Variants in HYDIN observed in about 807,000 individuals in gnomAD.
HYDIN encodes the protein axonemal central pair apparatus protein HYDIN.
A neutral mutation model predicts 403.9 loss-of-function variants in HYDIN; 132 were observed. The observed-to-expected ratio is 0.33, with a 90% CI of 0.28 to 0.38. The LOEUF (loss-of-function observed/expected upper bound fraction) is 0.38, where lower values mean the gene tolerates loss of function less well. Among genes scored for constraint, HYDIN ranks in the 10% least tolerant of loss-of-function variants. The probability of loss-of-function intolerance (pLI) is 1.00; values close to 1 mark genes in which losing one functional copy is unlikely to be tolerated. For synonymous variants in HYDIN, 1,202 were observed against 1,891.7 expected (o/e 0.64, Z 9.46); for missense variants, 2,827 against 5,009.5 (o/e 0.56, Z 13.15).
chr16:70,986,201 A>C (rs1249674287), intron 27 of HYDIN, among the ~76,000 whole-genome samples: 1 of 142,070 alleles, frequency 7.0e-6, no homozygotes, highest in African/African-American at 2.6e-5. Flanking sequence ...AGAATGTTCT[A>C]GAATGAACTT....
intron 72 of HYDIN, among the ~76,000 whole-genome samples, chr16:70,856,719 C>A (rs1488156206): frequency 6.6e-6 from 1 of 152,160 alleles, no homozygotes; most frequent in Non-Finnish European, 1.5e-5. Flanking sequence ...TGTTGTTATT[C>A]TTATGCTACA....
chr16:71,152,972 A>G (rs979759768), intron 6 of HYDIN, 189 bp from the exon 7 acceptor site: 2 of 516,610 alleles, frequency 3.9e-6, no homozygotes, highest in African/African-American at 3.9e-5. Flanking sequence ...AAATGACAGC[A>G]TTAGATTAGC....
At chr16:71,072,415 T>C (rs1441688224) in intron 13 of HYDIN, among the ~76,000 whole-genome samples, 1 of 152,186 alleles carries the variant, frequency 6.6e-6, no homozygotes, top group Non-Finnish European at 1.5e-5. Flanking sequence ...TTTGAGCCCT[T>C]CTGTACAGAA....
chr16:70,973,133 CT>C (rs1488531049), intron 35 of HYDIN, among the ~76,000 whole-genome samples: 2 of 152,208 alleles, frequency 1.3e-5, no homozygotes, highest in African/African-American at 4.8e-5. Context: ...CCCAGGCCTT[CT>C]GATAAAAACT....
intron 45 of HYDIN, among the ~76,000 whole-genome samples, chr16:70,926,476 G>C (rs1392900613): frequency 1.3e-5 from 2 of 151,946 alleles, no homozygotes; most frequent in Admixed American, 6.6e-5. Flanking sequence ...TGGGGGGAGA[G>C]GGGAGGGATA....
At chr16:71,068,592 C>T (rs975613564) in intron 14 of HYDIN, among the ~76,000 whole-genome samples, 1 of 151,032 alleles carries the variant, frequency 6.6e-6, no homozygotes, top group African/African-American at 2.4e-5. Context: ...ATCTGGGAAG[C>T]AACAACAACA....
At chr16:70,919,236 C>G (rs2076926751) in intron 46 of HYDIN, among the ~76,000 whole-genome samples, 1 of 152,210 alleles carries the variant, frequency 6.6e-6, no homozygotes, top group African/African-American at 2.4e-5. Context: ...GGGAGTTCTT[C>G]AAGCAGCAGT....
chr16:70,913,315 G>C (rs2076746412), intron 47 of HYDIN, among the ~76,000 whole-genome samples: 1 of 152,080 alleles, frequency 6.6e-6, no homozygotes. Context: ...CTGTATCCCA[G>C]AGGTTTTGAT....
At chr16:70,964,399 C>T (rs2078509128) in intron 37 of HYDIN, among the ~76,000 whole-genome samples, 2 of 150,940 alleles carry the variant, frequency 1.3e-5, no homozygotes, top group Non-Finnish European at 3.0e-5. Context: ...AACTGTGGAC[C>T]TGGCCTCTCT....
intron 84 of HYDIN, among the ~76,000 whole-genome samples, chr16:70,810,986 T>G (rs115809758): frequency 0.026 from 3,974 of 152,316 alleles, 168 homozygotes; most frequent in African/African-American, 0.089. Flanking sequence ...AGAAAGAGAC[T>G]GTAAGAATAT....
intron 12 of HYDIN, among the ~76,000 whole-genome samples, chr16:71,084,661 T>C (rs2144353582): frequency 6.8e-6 from 1 of 147,900 alleles, no homozygotes; most frequent in South Asian, 2.2e-4. Context: ...AGTGCTGAGA[T>C]TACAGGCATG....
intron 7 of HYDIN, among the ~76,000 whole-genome samples, chr16:71,139,518 T>C (rs1055204418): frequency 2.6e-5 from 4 of 151,990 alleles, no homozygotes; most frequent in African/African-American, 9.6e-5. Flanking sequence ...AAGCCATATG[T>C]AGGAAATAGA....
intron 5 of HYDIN, among the ~76,000 whole-genome samples, chr16:71,163,369 T>C (rs1474169939): frequency 3.3e-5 from 5 of 152,158 alleles, no homozygotes; most frequent in Admixed American, 6.5e-5. Context: ...GTGATCCGCC[T>C]GCCTCGGCCT....
At chr16:71,216,363 C>T (rs1424134) in intron 1 of HYDIN, among the ~76,000 whole-genome samples, 52,667 of 152,038 alleles carry the variant, frequency 0.35, 9,577 homozygotes, top group East Asian at 0.57. Flanking sequence ...AACATGAATA[C>T]ATACAGTGTG....
chr16:71,011,335 C>T (rs915047332), intron 23 of HYDIN, among the ~76,000 whole-genome samples: 1 of 152,174 alleles, frequency 6.6e-6, no homozygotes, highest in African/African-American at 2.4e-5. Context: ...AGGAGCACAG[C>T]GCTTGGATTC....
chr16:70,843,046 CT>C (rs201621982), intron 75 of HYDIN, among the ~76,000 whole-genome samples: 4 of 150,690 alleles, frequency 2.7e-5, no homozygotes, highest in East Asian at 1.9e-4. Flanking sequence ...TTTATTTATT[CT>C]TTTTTTTATT....
intron 10 of HYDIN, among the ~76,000 whole-genome samples, chr16:71,100,774 G>A (rs1186892630): frequency 6.7e-6 from 1 of 149,320 alleles, no homozygotes; most frequent in African/African-American, 2.5e-5. Context: ...ATGGCAAAAG[G>A]GTGAATGTTG....
intron 43 of HYDIN, among the ~76,000 whole-genome samples, chr16:70,940,420 GTGC>G (rs1165200867): frequency 1.3e-5 from 2 of 151,932 alleles, no homozygotes; most frequent in African/African-American, 4.8e-5. Context: ...ATCATGTAAA[GTGC>G]TTTCCCCAGT....
In HYDIN at chr16:70,807,476, G is replaced by C. The variant is rs2035159857; in HGVS notation, c.*104C>G. On this transcript the variant is annotated 3_prime_UTR_variant, in exon 86 of 86. Coordinates refer to ENST00000393567, the MANE Select transcript of HYDIN (RefSeq NM_001270974.2). ...AAATAACTGCCCTATAATTGTATGA[G>C]AAGAATAAAAACAGTTCCTTTAGAA... The C allele has an allele frequency of 1.5e-6, 2 of 1,299,334 alleles. No homozygotes were observed. The highest frequency in any genetic ancestry group is 2.1e-6 in the Non-Finnish European group (2 of 943,952). 80.5% of individuals were successfully genotyped at this position (1,299,334 alleles called of 1,614,324 possible). A position where few individuals can be genotyped will look rare whatever the true frequency, so the allele number is the denominator to read the frequency against.
Sources: gnomAD v4.1 joint callset for allele counts (sites outside exome capture counted in the v4.1 genomes callset) on GRCh38, gnomAD v4.1.1 for gene constraint, MANE v1.5 for transcripts, NCBI Gene and HGNC (gene_info 2026-07-23, HGNC 2026-07-21) for gene names.